Variants in MC4R observed in about 807,000 individuals in gnomAD.
MC4R encodes melanocortin receptor 4.
In MC4R, 15 loss-of-function variants were observed where a neutral mutation model predicts 16.1. The ratio of observed to expected loss-of-function variants is 0.93; its 90% CI spans 0.62 to 1.44. MC4R has a LOEUF of 1.44. Among genes scored for constraint, MC4R ranks in the 40% most tolerant of loss-of-function variants. MC4R has a pLI of 0.00. For missense variants in MC4R, 416 were observed against 411.4 expected (o/e 1.01, Z -0.10); for synonymous variants, 162 against 151.7 (o/e 1.07, Z -0.50).
At position 60,372,589 on chromosome 18, in the gene MC4R, G is replaced by C. The variant is rs1419151713; in HGVS notation, c.-240C>G. ...GGCTTCAAAATATTCATTCTCAGTT[G>C]AAAGAGTCTGCTCTTTGCTTTCTTG... is the stretch of plus-strand genomic sequence containing the variant. On this transcript the variant is annotated 5_prime_UTR_variant, in exon 1 of 1. Transcript: ENST00000299766. The C allele has an allele frequency of 1.9e-5, 11 of 574,684 alleles. No homozygotes were observed. The highest frequency in any genetic ancestry group is 3.5e-5 in the Non-Finnish European group (11 of 312,870). The allele number at this position is 574,684 out of a possible 1,614,324, so 35.6% of individuals were successfully genotyped here.
In MC4R at chr18:60,371,309, A is replaced by G. The variant is rs182455344; in HGVS notation, c.*42T>C. Reference sequence around the variant, plus strand: ...TATTCAGGTAGGGTAAGAGTGAAAAAGTCTCTTATGCATGTTCCTATATTG... The same window carrying G: ...TATTCAGGTAGGGTAAGAGTGAAAAGGTCTCTTATGCATGTTCCTATATTG... On this transcript the variant is annotated 3_prime_UTR_variant, in exon 1 of 1. Transcript: ENST00000299766. The G allele has an allele frequency of 1.0e-4, 168 of 1,604,256 alleles. No individual in the cohort carries two copies. The East Asian group carries it at 3.4e-3, about 33-fold the overall frequency.
Position 60,371,435 on chromosome 18 carries a change from C to G in MC4R, c.915G>C (p.Arg305=), listed in dbSNP as rs769947520. The part of the protein sequence containing the change: ...SIIDPLIYAL[R]SQELRKTFKE... The stretch of plus-strand genomic sequence containing the variant: ...TGAAGGTTTTCCTCAGTTCTTGACT[C>G]CGGAGTGCATAAATCAGAGGATCGA... The change falls in exon 1 of 1, where the codon CGG becomes CGC. Residue 305 remains arginine (R), a synonymous_variant. Coordinates refer to ENST00000299766, the MANE Select transcript of MC4R (RefSeq NM_005912.3). The G allele has an allele frequency of 5.6e-6, 9 of 1,614,026 alleles. No homozygotes were observed. Among genetic ancestry groups the G allele is most frequent in the Non-Finnish European group, 7.6e-6 (9 of 1,180,022 alleles).
chr18:60,371,441 T>G lies in MC4R; in HGVS notation c.909A>C (p.Ala303=). The G allele has an allele frequency of 6.2e-7, 1 of 1,614,046 alleles. No individual in the cohort carries two copies. The highest frequency in any genetic ancestry group is 8.5e-7 in the Non-Finnish European group (1 of 1,179,976). Residue 303 remains alanine (A), a synonymous_variant, in exon 1 of 1, where the codon GCA becomes GCC. Transcript: ENST00000299766. ...TTTTCCTCAGTTCTTGACTCCGGAG[T>G]GCATAAATCAGAGGATCGATGATTG... is the stretch of plus-strand genomic sequence containing the variant. ...CNSIIDPLIY[A]LRSQELRKTF...
rs1036617639 is a variant in MC4R at position 60,372,682 on chromosome 18, G to C, written c.-333C>G. 2 of 365,908 alleles carry C rather than the reference G, an allele frequency of 5.5e-6. No homozygotes were observed. The highest frequency in any genetic ancestry group is 2.1e-5 in the African/African-American group (1 of 47,382). 22.7% of individuals were successfully genotyped at this position (365,908 alleles called of 1,614,324 possible). A position where few individuals can be genotyped will look rare whatever the true frequency, so the allele number is the denominator to read the frequency against. ...GTTCAAAATAATTTTCCTTGAAGCT[G>C]CCATGCCATTGGGAGACGAATCTGT... On this transcript the variant is annotated 5_prime_UTR_variant, in exon 1 of 1. Coordinates refer to ENST00000299766, the MANE Select transcript of MC4R (RefSeq NM_005912.3).
chr18:60,371,859 T>C lies in MC4R; in HGVS notation c.491A>G (p.Lys164Arg). 2 of 1,614,164 alleles carry C rather than the reference T, an allele frequency of 1.2e-6. No individual in the cohort carries two copies. The highest frequency in any genetic ancestry group is 1.7e-6 in the Non-Finnish European group (2 of 1,180,030). The change falls in exon 1 of 1, where the codon AAG (lysine) becomes AGG (arginine). Residue 164 changes from lysine (K) to arginine (R), a missense_variant. By Grantham distance (26) the Lys-to-Arg change is conservative (BLOSUM62 2). Coordinates refer to ENST00000299766, the MANE Select transcript of MC4R (RefSeq NM_005912.3). ...ALQYHNIMTV[K>R]RVGIIISCIW... ...ACAACTTATGATGATCCCAACCCGCTTAACTGTCATAATGTTATGGTACTG... is the reference window on the plus strand; with the variant it reads ...ACAACTTATGATGATCCCAACCCGCCTAACTGTCATAATGTTATGGTACTG...
Position 60,371,963 on chromosome 18 carries a change from G to A in MC4R, c.387C>T (p.Ile129=). ...AAATGGATGCAAGCAAGGAGCTACA[G>A]ATCACCGAGTCAATGACATTATCAA... ...VNIDNVIDSV[I]CSSLLASICS... Residue 129 remains isoleucine (I), a synonymous_variant, in exon 1 of 1, where the codon ATC becomes ATT. Coordinates refer to ENST00000299766, the MANE Select transcript of MC4R (RefSeq NM_005912.3). 1 of 1,614,098 alleles carries A rather than the reference G, an allele frequency of 6.2e-7. No homozygotes were observed. Among genetic ancestry groups the A allele is most frequent in the Non-Finnish European group, 8.5e-7 (1 of 1,180,034 alleles).
chr18:60,371,658 C>T lies in MC4R; in HGVS notation c.692G>A (p.Gly231Asp), dbSNP rs1915343133. 1.2e-6 allele frequency: 2 copies of T among 1,614,036 alleles called. No homozygotes were observed. The highest frequency in any genetic ancestry group is 8.5e-7 in the Non-Finnish European group (1 of 1,180,034). ...LHIKRIAVLP[G>D]TGAIRQGANM... ...GGCACCTTGGCGGATGGCACCAGTG[C>T]CGGGGAGGACAGCAATCCTCTTAAT... The change falls in exon 1 of 1, where the codon GGC becomes GAC. Residue 231 changes from glycine to aspartate, a missense_variant. Physicochemically the swap from Gly to Asp is moderately conservative, Grantham distance 94 (BLOSUM62 -1). Transcript: ENST00000299766.
chr18:60,371,860 T>G lies in MC4R; in HGVS notation c.490A>C (p.Lys164Gln). 6.2e-7 allele frequency: 1 copy of G among 1,614,202 alleles called. No individual in the cohort carries two copies. The highest frequency in any genetic ancestry group is 1.1e-5 in the South Asian group (1 of 91,092). Residue 164 changes from lysine to glutamine, a missense_variant, in exon 1 of 1, where the codon AAG becomes CAG. Transcript: ENST00000299766. ...ALQYHNIMTV[K>Q]RVGIIISCIW... ...CAACTTATGATGATCCCAACCCGCTTAACTGTCATAATGTTATGGTACTGG... is the reference window on the plus strand; with the variant it reads ...CAACTTATGATGATCCCAACCCGCTGAACTGTCATAATGTTATGGTACTGG...
At position 60,372,512 on chromosome 18, in the gene MC4R, GT is replaced by G. The variant is rs1915372386; in HGVS notation, c.-164del. ...TCACAAGTCCAGAGCTTGACATGGA[GT>G]TTTTAGTCTCTTTTAGGTACGACTC... On this transcript the variant is annotated 5_prime_UTR_variant, in exon 1 of 1. Coordinates refer to ENST00000299766, the MANE Select transcript of MC4R (RefSeq NM_005912.3). 4.1e-6 allele frequency: 3 copies of G among 733,736 alleles called. No homozygotes were observed. Among genetic ancestry groups the G allele is most frequent in the Non-Finnish European group, 4.8e-6 (2 of 414,200 alleles). The allele number at this position is 733,736 out of a possible 1,614,324, so 45.5% of individuals were successfully genotyped here.
Position 60,372,327 on chromosome 18 carries a change from C to T in MC4R, c.23G>A (p.Gly8Glu). MVNSTHRGMHTSLHLWNR... is the reference protein window; with the variant it reads MVNSTHREMHTSLHLWNR... The stretch of plus-strand genomic sequence containing the variant: ...CCAGAGGTGCAGAGAAGTGTGCATC[C>T]CACGGTGGGTGGAGTTCACCATGCT... Residue 8 changes from glycine (G) to glutamate (E), a missense_variant, in exon 1 of 1, where the codon GGG (glycine) becomes GAG (glutamate). Coordinates refer to ENST00000299766, the MANE Select transcript of MC4R (RefSeq NM_005912.3). 3 of 1,614,140 alleles carry T rather than the reference C, an allele frequency of 1.9e-6. No homozygotes were observed. Among genetic ancestry groups the T allele is most frequent in the Non-Finnish European group, 2.5e-6 (3 of 1,180,034 alleles).
Position 60,371,131 on chromosome 18 carries a change from A to T in MC4R, c.*220T>A, listed in dbSNP as rs1915326197. On this transcript the variant is annotated 3_prime_UTR_variant, in exon 1 of 1. Coordinates refer to ENST00000299766, the MANE Select transcript of MC4R (RefSeq NM_005912.3). ...ACAGTGCCTACAACCTATAACATAG[A>T]TTCATATTTTATGGCCAAAAAAGTA... 3.6e-6 allele frequency: 2 copies of T among 554,600 alleles called. No individual in the cohort carries two copies. Among genetic ancestry groups the T allele is most frequent in the Non-Finnish European group, 6.4e-6 (2 of 311,496 alleles). The allele number at this position is 554,600 out of a possible 1,614,324, so 34.4% of individuals were successfully genotyped here. A position where few individuals can be genotyped will look rare whatever the true frequency, so the allele number is the denominator to read the frequency against.
chr18:60,371,175 TACAG>T lies in MC4R; in HGVS notation c.*172_*175del. On this transcript the variant is annotated 3_prime_UTR_variant, in exon 1 of 1. Coordinates refer to ENST00000299766, the MANE Select transcript of MC4R (RefSeq NM_005912.3). ...AAAAGTAGCATGACATTGGAAATAA[TACAG>T]AGACTGGGCATTTTTTCTCATTAAA... is the stretch of plus-strand genomic sequence containing the variant. The T allele has an allele frequency of 4.5e-6, 3 of 672,920 alleles. No homozygotes were observed. Among genetic ancestry groups the T allele is most frequent in the Non-Finnish European group, 7.6e-6 (3 of 392,440 alleles). The allele number at this position is 672,920 out of a possible 1,614,324, so 41.7% of individuals were successfully genotyped here.
chr18:60,371,317 A>G lies in MC4R; in HGVS notation c.*34T>C. 6.2e-7 allele frequency: 1 copy of G among 1,611,492 alleles called. No individual in the cohort carries two copies. Among genetic ancestry groups the G allele is most frequent in the South Asian group, 1.1e-5 (1 of 90,916 alleles). ...TAGGGTAAGAGTGAAAAAGTCTCTT[A>G]TGCATGTTCCTATATTGCGTGCTCT... On this transcript the variant is annotated 3_prime_UTR_variant, in exon 1 of 1. Transcript: ENST00000299766.
chr18:60,372,456 C>T lies in MC4R; in HGVS notation c.-107G>A, dbSNP rs1915371391. 1 of 1,244,274 alleles carries T rather than the reference C, an allele frequency of 8.0e-7. No homozygotes were observed. The highest frequency in any genetic ancestry group is 1.3e-5 in the South Asian group (1 of 77,942). 77.1% of individuals were successfully genotyped at this position (1,244,274 alleles called of 1,614,324 possible). Reference sequence around the variant, plus strand: ...CTTTATCTGTCTGAAAGTTGTGAGGCTAAAATTGCCATGCCTGCTGTGAGT... The same window carrying T: ...CTTTATCTGTCTGAAAGTTGTGAGGTTAAAATTGCCATGCCTGCTGTGAGT... On this transcript the variant is annotated 5_prime_UTR_variant, in exon 1 of 1. Coordinates refer to ENST00000299766, the MANE Select transcript of MC4R (RefSeq NM_005912.3).
Position 60,372,224 on chromosome 18 carries a change from C to G in MC4R, c.126G>C (p.Glu42Asp), listed in dbSNP as rs1356210856. 1 of 1,614,210 alleles carries G rather than the reference C, an allele frequency of 6.2e-7. No homozygotes were observed. ...GKGYSDGGCY[E>D]QLFVSPEVFV... is the part of the protein sequence containing the mutation. ...ACACCTCAGGAGAGACAAAAAGTTGCTCGTAGCACCCTCCATCAGAGTAGC... is the reference window on the plus strand; with the variant it reads ...ACACCTCAGGAGAGACAAAAAGTTGGTCGTAGCACCCTCCATCAGAGTAGC... Residue 42 changes from glutamate to aspartate, a missense_variant, in exon 1 of 1, where the codon GAG becomes GAC. Physicochemically the swap from Glu to Asp is conservative, Grantham distance 45. Coordinates refer to ENST00000299766, the MANE Select transcript of MC4R (RefSeq NM_005912.3).
In MC4R at chr18:60,371,965, T is replaced by C; in HGVS notation, c.385A>G (p.Ile129Val). 1 of 1,614,098 alleles carries C rather than the reference T, an allele frequency of 6.2e-7. No homozygotes were observed. Among genetic ancestry groups the C allele is most frequent in the Non-Finnish European group, 8.5e-7 (1 of 1,180,040 alleles). The part of the protein sequence containing the change: ...VNIDNVIDSV[I>V]CSSLLASICS... ...ATGGATGCAAGCAAGGAGCTACAGA[T>C]CACCGAGTCAATGACATTATCAATA... is the stretch of plus-strand genomic sequence containing the variant. Residue 129 changes from isoleucine (I) to valine (V), a missense_variant, in exon 1 of 1, where the codon ATC becomes GTC. Ile to Val is a conservative substitution (Grantham distance 29). Coordinates refer to ENST00000299766, the MANE Select transcript of MC4R (RefSeq NM_005912.3).
chr18:60,371,960 A>C lies in MC4R; in HGVS notation c.390T>G (p.Cys130Trp). Reference protein sequence around the residue: ...NIDNVIDSVICSSLLASICSL... With the variant: ...NIDNVIDSVIWSSLLASICSL... ...TGCAAATGGATGCAAGCAAGGAGCT[A>C]CAGATCACCGAGTCAATGACATTAT... is the stretch of plus-strand genomic sequence containing the variant. The change falls in exon 1 of 1, where the codon TGT becomes TGG. Residue 130 changes from cysteine to tryptophan, a missense_variant. Coordinates refer to ENST00000299766, the MANE Select transcript of MC4R (RefSeq NM_005912.3). 6.2e-7 allele frequency: 1 copy of C among 1,614,164 alleles called. No homozygotes were observed. The highest frequency in any genetic ancestry group is 8.5e-7 in the Non-Finnish European group (1 of 1,180,034).
At position 60,371,946 on chromosome 18, in the gene MC4R, G is replaced by A; in HGVS notation, c.404C>T (p.Ala135Val). The A allele has an allele frequency of 6.2e-7, 1 of 1,614,146 alleles. No homozygotes were observed. Among genetic ancestry groups the A allele is most frequent in the Non-Finnish European group, 8.5e-7 (1 of 1,180,038 alleles). ...IDSVICSSLL[A>V]SICSLLSIAV... ...AATTGAAAGCAGGCTGCAAATGGAT[G>A]CAAGCAAGGAGCTACAGATCACCGA... Residue 135 changes from alanine (A) to valine (V), a missense_variant, in exon 1 of 1, where the codon GCA becomes GTA. By Grantham distance (64) the Ala-to-Val change is moderately conservative (BLOSUM62 0). Coordinates refer to ENST00000299766, the MANE Select transcript of MC4R (RefSeq NM_005912.3).
Position 60,371,815 on chromosome 18 carries a change from C to T in MC4R, c.535G>A (p.Val179Ile), listed in dbSNP as rs765599719. 1 of 1,614,132 alleles carries T rather than the reference C, an allele frequency of 6.2e-7. No individual in the cohort carries two copies. Among genetic ancestry groups the T allele is most frequent in the Admixed American group, 1.7e-5 (1 of 60,024 alleles). ...TAAATGATGAACAAAATGCCTGAAACCGTGCAAGCTGCCCAGATACAACTT... is the reference window on the plus strand; with the variant it reads ...TAAATGATGAACAAAATGCCTGAAATCGTGCAAGCTGCCCAGATACAACTT... ...IISCIWAACTVSGILFIIYSD... is the reference protein window; with the variant it reads ...IISCIWAACTISGILFIIYSD... The change falls in exon 1 of 1, where the codon GTT becomes ATT. Residue 179 changes from valine (V) to isoleucine (I), a missense_variant. Physicochemically the swap from Val to Ile is conservative, Grantham distance 29. Transcript: ENST00000299766.
Sources: allele counts gnomAD v4.1 joint callset, GRCh38; gene constraint gnomAD v4.1.1; transcripts MANE v1.5; gene names NCBI Gene and HGNC (gene_info 2026-07-23, HGNC 2026-07-21).